The following GLI2 variants were observed in gnomAD, a reference collection of about 807,000 sequenced individuals.
GLI2 encodes the protein GLI family zinc finger 2.
A neutral mutation model predicts 78.9 loss-of-function variants in GLI2; 22 were observed. The ratio of observed to expected loss-of-function variants is 0.28; its 90% CI spans 0.20 to 0.40. The LOEUF (loss-of-function observed/expected upper bound fraction) is 0.40, where lower values mean the gene tolerates loss of function less well. Among genes scored for constraint, GLI2 ranks in the 10% least tolerant of loss-of-function variants. GLI2 has a pLI of 1.00. For missense variants in GLI2, 2,097 were observed against 2,213.2 expected (o/e 0.95, Z 1.05); for synonymous variants, 974 against 963.7 (o/e 1.01, Z -0.20).
At chr2:120,803,218 T>C (rs1197352896) in intron 2 of GLI2, among the ~76,000 whole-genome samples, 2 of 152,246 alleles carry the variant, frequency 1.3e-5, no homozygotes, top group African/African-American at 4.8e-5. Flanking sequence ...GCCCAGGCTC[T>C]GGAACCAGGC....
intron 2 of GLI2, among the ~76,000 whole-genome samples, chr2:120,806,998 A>AGT (rs934452754): frequency 7.2e-5 from 11 of 152,184 alleles, no homozygotes; most frequent in African/African-American, 2.7e-4. Flanking sequence ...TTAGGGAAGG[A>AGT]GTGTGGTCTC....
intron 3 of GLI2, among the ~76,000 whole-genome samples, chr2:120,929,283 T>A (rs1679837580): frequency 6.6e-6 from 1 of 152,272 alleles, no homozygotes; most frequent in Admixed American, 6.5e-5. Flanking sequence ...GCCTGTCTGC[T>A]GGCTTCTCCG....
At chr2:120,978,286 A>T (rs1263445173) in intron 9 of GLI2, 148 bp from the exon 10 acceptor site, 1 of 840,402 alleles carries the variant, frequency 1.2e-6, no homozygotes, top group Admixed American at 1.7e-5. Context: ...CGGTCTGAAC[A>T]TAATAGGTGT....
chr2:120,861,933 A>G (rs994295872), intron 2 of GLI2, among the ~76,000 whole-genome samples: 2 of 152,120 alleles, frequency 1.3e-5, no homozygotes, highest in African/African-American at 4.8e-5. Context: ...ATCGCTTGTC[A>G]TTTCTTATTA....
At chr2:120,743,288 G>T (rs948793222) in intron 1 of GLI2, among the ~76,000 whole-genome samples, 1 of 152,096 alleles carries the variant, frequency 6.6e-6, no homozygotes, top group African/African-American at 2.4e-5. Flanking sequence ...CCGCCTCCCC[G>T]CTCCCCTTCC....
chr2:120,972,764 C>T, intron 8 of GLI2: 1 of 493,210 alleles, frequency 2.0e-6, no homozygotes, highest in Non-Finnish European at 4.0e-6. Context: ...AGGACAAGTT[C>T]AAGCGGGGAG....
At chr2:120,809,351 G>A (rs1205975139) in intron 2 of GLI2, among the ~76,000 whole-genome samples, 2 of 152,226 alleles carry the variant, frequency 1.3e-5, no homozygotes, top group Non-Finnish European at 2.9e-5. Flanking sequence ...GGAGGTGCCA[G>A]GGGCTGGGAG....
chr2:120,982,386 A>T (rs1466293717), intron 10 of GLI2, among the ~76,000 whole-genome samples: 2 of 152,152 alleles, frequency 1.3e-5, no homozygotes, highest in Non-Finnish European at 2.9e-5. Flanking sequence ...CTGCTGATTT[A>T]AAAAAATAGA....
intron 2 of GLI2, among the ~76,000 whole-genome samples, chr2:120,854,864 G>A (rs1205793928): frequency 6.6e-6 from 1 of 152,228 alleles, no homozygotes; most frequent in Non-Finnish European, 1.5e-5. Context: ...TAAGTCCCCA[G>A]ATGCTGCTGC....
chr2:120,892,988 T>C (rs1046210563), intron 2 of GLI2, among the ~76,000 whole-genome samples: 2 of 152,210 alleles, frequency 1.3e-5, no homozygotes, highest in Admixed American at 6.5e-5. Context: ...TCAGGAAGGA[T>C]AGACCACCGC....
intron 3 of GLI2, among the ~76,000 whole-genome samples, chr2:120,941,911 G>T (rs187711518): frequency 0.025 from 3,816 of 152,246 alleles, 173 homozygotes; most frequent in African/African-American, 0.088. Flanking sequence ...CGGCAGGGGG[G>T]AAAGCCCGCT....
chr2:120,973,867 G>T (rs1464965176), intron 8 of GLI2, among the ~76,000 whole-genome samples: 1 of 152,164 alleles, frequency 6.6e-6, no homozygotes, highest in African/African-American at 2.4e-5. Flanking sequence ...TCCATTGACA[G>T]CAGGGCGTCC....
chr2:120,912,011 C>T (rs911450338), intron 2 of GLI2, among the ~76,000 whole-genome samples: 1 of 152,152 alleles, frequency 6.6e-6, no homozygotes, highest in East Asian at 1.9e-4. Context: ...CTGTCAGTCA[C>T]TCAGACCCTC....
At chr2:120,739,360 T>G (rs562885523) in intron 1 of GLI2, among the ~76,000 whole-genome samples, 1 of 152,166 alleles carries the variant, frequency 6.6e-6, no homozygotes, top group Non-Finnish European at 1.5e-5. Flanking sequence ...GAGGTTGTCA[T>G]GTGCACTTTG....
At chr2:120,945,514 A>G (rs1281847472) in intron 3 of GLI2, among the ~76,000 whole-genome samples, 2 of 152,214 alleles carry the variant, frequency 1.3e-5, no homozygotes, top group African/African-American at 4.8e-5. Context: ...GCAGGGTGCC[A>G]GGCCCAGGAT....
intron 1 of GLI2, among the ~76,000 whole-genome samples, chr2:120,753,791 G>C (rs192320104): frequency 2.0e-5 from 3 of 151,976 alleles, no homozygotes; most frequent in South Asian, 4.2e-4. Context: ...TTGGCTACTC[G>C]GGAGGCCGAG....
At chr2:120,971,868 T>TA in intron 7 of GLI2, 73 bp from the exon 8 acceptor site, 2 of 1,391,810 alleles carry the variant, frequency 1.4e-6, no homozygotes, top group Non-Finnish European at 2.0e-6. Context: ...ATCCTAGAGT[T>TA]AAAGTCCAAA....
intron 5 of GLI2, among the ~76,000 whole-genome samples, chr2:120,961,815 C>T (rs996087189): frequency 5.3e-5 from 8 of 152,204 alleles, no homozygotes; most frequent in Non-Finnish European, 7.3e-5. Context: ...CACCAGGCTG[C>T]ATCCTGCTGG....
intron 2 of GLI2, among the ~76,000 whole-genome samples, chr2:120,843,773 T>C (rs1213180689): frequency 6.6e-6 from 1 of 152,190 alleles, no homozygotes; most frequent in East Asian, 1.9e-4. Flanking sequence ...TTGAAGTGAT[T>C]ATCCTGTCTC....
Sources: allele counts gnomAD v4.1 joint callset (sites outside exome capture counted in the v4.1 genomes callset), GRCh38; gene constraint gnomAD v4.1.1; transcripts MANE v1.5; gene names NCBI Gene and HGNC (gene_info 2026-07-23, HGNC 2026-07-21).